The following HDAC9 variants were observed in gnomAD, a reference collection of about 807,000 sequenced individuals.
HDAC9 encodes histone deacetylase 9.
In HDAC9, 41 loss-of-function variants were observed where a neutral mutation model predicts 139.4. The ratio of observed to expected loss-of-function variants is 0.29; its 90% CI spans 0.23 to 0.38. The LOEUF (loss-of-function observed/expected upper bound fraction) is 0.38. HDAC9 is among the 10% of genes least tolerant of loss of function. The pLI is 1.00. For synonymous variants in HDAC9, 517 were observed against 476.2 expected, an observed-to-expected ratio of 1.09 and a Z score of -1.12; for missense variants, 1,147 against 1,297.0, an observed-to-expected ratio of 0.88 and a Z score of 1.78.
chr7:18,509,372 C>T, intron 2 of HDAC9: 1 of 985,416 alleles, frequency 1.0e-6, no homozygotes, highest in Non-Finnish European at 1.2e-6. Context: ...TTTCTCTAGC[C>T]TCAAGAAGAC....
intron 21 of HDAC9, among the ~76,000 whole-genome samples, chr7:18,836,382 A>G (rs1796238411): frequency 1.3e-5 from 2 of 152,190 alleles, no homozygotes; most frequent in Non-Finnish European, 2.9e-5. Flanking sequence ...TCATTGGACT[A>G]CAGAATCCCT....
intron 2 of HDAC9, among the ~76,000 whole-genome samples, chr7:18,275,765 G>T (rs925229457): frequency 3.3e-5 from 5 of 152,020 alleles, no homozygotes; most frequent in African/African-American, 9.7e-5. Flanking sequence ...CCATACCACT[G>T]AGCCCTTCAC....
intron 2 of HDAC9, among the ~76,000 whole-genome samples, chr7:18,174,224 T>G (rs2128135715): frequency 6.6e-6 from 1 of 152,356 alleles, no homozygotes; most frequent in South Asian, 2.1e-4. Context: ...ATACCTTTTC[T>G]TCCACTTGAT....
Position 18,835,593 on chromosome 7 carries a change from T to C in HDAC9, c.2586+7T>C. On this transcript the variant is annotated splice_region_variant and intron_variant, in intron 20 of 25. Coordinates refer to ENST00000686413, the MANE Select transcript of HDAC9 (RefSeq NM_178425.4). ...CAGTGGAGCCCCAAATGAGGTTCGG[T>C]TTATTTCTTTAGAGCCCCACTTTTA... 6.2e-7 allele frequency: 1 copy of C among 1,613,602 alleles called. No individual in the cohort carries two copies. The highest frequency in any genetic ancestry group is 1.1e-5 in the South Asian group (1 of 91,078).
At chr7:18,726,226 G>C (rs1785535459) in intron 12 of HDAC9, among the ~76,000 whole-genome samples, 1 of 152,180 alleles carries the variant, frequency 6.6e-6, no homozygotes, top group South Asian at 2.1e-4. Flanking sequence ...GTTGTATACA[G>C]ATTTGTTAGC....
chr7:18,137,552 A>T (rs945601378), intron 1 of HDAC9, among the ~76,000 whole-genome samples: 1 of 151,766 alleles, frequency 6.6e-6, no homozygotes, highest in Non-Finnish European at 1.5e-5. Context: ...TTCTGCATCT[A>T]TTGAGATAAT....
chr7:18,642,120 C>A (rs1562711993), intron 8 of HDAC9, among the ~76,000 whole-genome samples: 1 of 152,074 alleles, frequency 6.6e-6, no homozygotes, highest in African/African-American at 2.4e-5. Flanking sequence ...ATGAAGACGA[C>A]ATACCAGTTA....
intron 23 of HDAC9, among the ~76,000 whole-genome samples, chr7:18,952,347 T>G (rs1238570638): frequency 6.6e-6 from 1 of 151,902 alleles, no homozygotes; most frequent in Non-Finnish European, 1.5e-5. Context: ...GACCAGAAGT[T>G]AGATGTTTTA....
At chr7:18,594,107 A>G (rs1831775609) in intron 6 of HDAC9, 78 bp downstream of exon 6, 1 of 1,505,332 alleles carries the variant, frequency 6.6e-7, no homozygotes. Flanking sequence ...CCTCTAGAAG[A>G]AAGTCAAAGG....
intron 2 of HDAC9, among the ~76,000 whole-genome samples, chr7:18,515,533 A>C (rs909451742): frequency 5.9e-5 from 9 of 152,234 alleles, no homozygotes; most frequent in African/African-American, 2.2e-4. Context: ...TTCAGGCCAC[A>C]GTATCCTGGA....
intron 1 of HDAC9, among the ~76,000 whole-genome samples, chr7:18,402,842 T>C (rs558963588): frequency 8.5e-5 from 13 of 152,174 alleles, no homozygotes; most frequent in Non-Finnish European, 1.6e-4. Flanking sequence ...CCATATACAT[T>C]ATATTACCCT....
intron 2 of HDAC9, among the ~76,000 whole-genome samples, chr7:18,584,726 T>C (rs1056370767): frequency 6.6e-6 from 1 of 152,234 alleles, no homozygotes; most frequent in Admixed American, 6.5e-5. Context: ...CTGTGGTTAA[T>C]TACCATTTTC....
intron 2 of HDAC9, among the ~76,000 whole-genome samples, chr7:18,204,048 T>A (rs1300594048): frequency 6.6e-6 from 1 of 152,168 alleles, no homozygotes; most frequent in East Asian, 1.9e-4. Flanking sequence ...CCATCTTGCT[T>A]TTCCTAGTTA....
intron 2 of HDAC9, among the ~76,000 whole-genome samples, chr7:18,534,890 G>A (rs1057166848): frequency 2.0e-5 from 3 of 152,156 alleles, no homozygotes; most frequent in African/African-American, 4.8e-5. Flanking sequence ...GAAATGTCTT[G>A]GCTGTGAGGG....
At chr7:18,552,921 A>G (rs932084989) in intron 2 of HDAC9, among the ~76,000 whole-genome samples, 1 of 152,234 alleles carries the variant, frequency 6.6e-6, no homozygotes. Context: ...AAAACTGCTA[A>G]TATGCACAAG....
In HDAC9 at chr7:18,304,844, C is replaced by T. The variant is rs182216922; in HGVS notation, c.-42+14329C>T. 6.6e-5 allele frequency among the ~76,000 whole-genome samples: 10 copies of T among 152,074 alleles called. No individual in the cohort carries two copies. The East Asian group carries it at 1.9e-3, about 29-fold the overall frequency. ...CTCCAGCAGATCAGAAGGATAGAAC[C>T]CTCAGTGGAAAATGTATGAAAATGA... On this transcript the variant is annotated intron_variant, in intron 1 of 3. Transcript: ENST00000413509.
intron 1 of HDAC9, among the ~76,000 whole-genome samples, chr7:18,374,682 T>C (rs1304341265): frequency 6.6e-6 from 1 of 152,052 alleles, no homozygotes; most frequent in East Asian, 1.9e-4. Context: ...TGAAACATTG[T>C]TATGCTGGGT....
intron 2 of HDAC9, among the ~76,000 whole-genome samples, chr7:18,267,656 G>A (rs59813661): frequency 0.03 from 4,583 of 152,184 alleles, 140 homozygotes; most frequent in East Asian, 0.17. Context: ...AAGGTATTCC[G>A]TGTATATGTA....
intron 13 of HDAC9, among the ~76,000 whole-genome samples, chr7:18,728,150 T>TTTTG (rs201832899): frequency 0.02 from 3,058 of 152,306 alleles, 36 homozygotes; most frequent in Middle Eastern, 0.034. Context: ...CAGTTTGTTT[T>TTTTG]TTTGTTTGTT....
Sources: allele counts gnomAD v4.1 joint callset (sites outside exome capture counted in the v4.1 genomes callset), GRCh38; gene constraint gnomAD v4.1.1; transcripts MANE v1.5; gene names NCBI Gene and HGNC (gene_info 2026-07-23, HGNC 2026-07-21).